The following ABCC4 variants were observed in gnomAD, a reference collection of about 807,000 sequenced individuals.
ABCC4 encodes ATP binding cassette subfamily C member 4 (PEL blood group).
Under a neutral mutation model 168.5 loss-of-function variants are expected in ABCC4, and 102 were observed. The observed-to-expected ratio is 0.61, with a 90% CI of 0.52 to 0.71. The LOEUF (loss-of-function observed/expected upper bound fraction) is 0.71. Among genes scored for constraint, ABCC4 ranks in the 30% least tolerant of loss-of-function variants. The probability of loss-of-function intolerance (pLI) is 0.00; values close to 1 mark genes in which losing one functional copy is unlikely to be tolerated. For missense variants in ABCC4, 1,402 were observed against 1,605.8 expected, an observed-to-expected ratio of 0.87 and a Z score of 2.17; for synonymous variants, 617 against 590.7, an observed-to-expected ratio of 1.04 and a Z score of -0.65.
chr13:95,061,594 TTGTGTGTGTGTGTGTGTGTG>T (rs57517042), intron 26 of ABCC4, among the ~76,000 whole-genome samples: 5 of 133,906 alleles, frequency 3.7e-5, no homozygotes, highest in African/African-American at 1.1e-4. Context: ...GAATATGTGT[TTGTGTGTGTGTGTGTGTGTG>T]TGTGTGTGTG....
intron 3 of ABCC4, among the ~76,000 whole-genome samples, chr13:95,235,179 C>T (rs564166242): frequency 9.2e-5 from 14 of 152,244 alleles, no homozygotes; most frequent in African/African-American, 1.9e-4. Context: ...ATGTGAGCCA[C>T]GGCACCTAGG....
At chr13:95,055,057 G>C (rs988121586) in intron 26 of ABCC4, among the ~76,000 whole-genome samples, 1 of 152,184 alleles carries the variant, frequency 6.6e-6, no homozygotes, top group Non-Finnish European at 1.5e-5. Context: ...GCACTGAAAA[G>C]TCACTGGTCA....
intron 18 of ABCC4, among the ~76,000 whole-genome samples, 187 bp from the exon 19 acceptor site, chr13:95,161,522 C>G (rs1431727472): frequency 6.6e-6 from 1 of 152,108 alleles, no homozygotes; most frequent in Non-Finnish European, 1.5e-5. Flanking sequence ...GTTTATTTTT[C>G]TCTCACTGAA....
intron 29 of ABCC4, among the ~76,000 whole-genome samples, chr13:95,039,388 A>G (rs114723719): frequency 0.015 from 2,252 of 152,312 alleles, 45 homozygotes; most frequent in African/African-American, 0.05. Flanking sequence ...AACAAAATAA[A>G]GTGACTCTGA....
intron 4 of ABCC4, among the ~76,000 whole-genome samples, chr13:95,230,592 T>C (rs546107778): frequency 9.9e-5 from 15 of 152,172 alleles, no homozygotes; most frequent in Non-Finnish European, 2.1e-4. Flanking sequence ...CTGGCCAACA[T>C]GGTGAAACCC....
chr13:95,055,983 G>C (rs926043271), intron 26 of ABCC4: 2 of 151,956 alleles, frequency 1.3e-5, no homozygotes, highest in African/African-American at 4.8e-5. Flanking sequence ...TCCCTCAGCA[G>C]GACTGCAAGA....
intron 4 of ABCC4, among the ~76,000 whole-genome samples, chr13:95,217,149 AAACTG>A (rs1201208947): frequency 6.6e-6 from 1 of 152,226 alleles, no homozygotes; most frequent in Non-Finnish European, 1.5e-5. Context: ...GATTACAAGA[AAACTG>A]TACTATCTAG....
At chr13:95,187,597 A>C (rs1422855958) in intron 10 of ABCC4, among the ~76,000 whole-genome samples, 3 of 152,178 alleles carry the variant, frequency 2.0e-5, no homozygotes, top group African/African-American at 7.2e-5. Flanking sequence ...GAGCGAGACC[A>C]TGTCTCAAAA....
At chr13:95,210,895 A>G (rs190089006) in intron 4 of ABCC4, 114 bp from the exon 5 acceptor site, 27 of 649,328 alleles carry the variant, frequency 4.2e-5, no homozygotes, top group Non-Finnish European at 5.4e-6. Context: ...ATCTAAGCAC[A>G]AGCATCCCCA....
rs567690184 is a variant in ABCC4, at chr13:95,294,486, C to T, written c.74+6755G>A. Among the ~76,000 whole-genome samples, 176 of 152,284 alleles carry T rather than the reference C, an allele frequency of 1.2e-3. 3 individuals are homozygous for T. The South Asian group carries it at 0.016, about 13-fold the overall frequency. On this transcript the variant is annotated intron_variant, in intron 1 of 30. Coordinates refer to ENST00000645237, the MANE Select transcript of ABCC4 (RefSeq NM_005845.5). ...GCTGGACTTTCACCATCTTGCGGCT[C>T]GGCCTCCTCTCAGTCCTCCTCCTCT...
intron 9 of ABCC4, among the ~76,000 whole-genome samples, chr13:95,193,146 AGAGTCTG>A (rs149387825): frequency 0.09 from 13,681 of 152,272 alleles, 865 homozygotes; most frequent in East Asian, 0.2. Flanking sequence ...AGAGAAAGGA[AGAGTCTG>A]GAGTCTAGAG....
intron 29 of ABCC4, among the ~76,000 whole-genome samples, chr13:95,036,198 G>A (rs2032112509): frequency 6.6e-6 from 1 of 152,182 alleles, no homozygotes; most frequent in African/African-American, 2.4e-5. Flanking sequence ...TCTCTCTAAT[G>A]CTAAAGACTA....
intron 8 of ABCC4, among the ~76,000 whole-genome samples, chr13:95,205,309 C>A (rs923230196): frequency 6.6e-5 from 10 of 152,050 alleles, no homozygotes; most frequent in African/African-American, 1.9e-4. Flanking sequence ...AGAATCTTAG[C>A]TTTTATGACA....
intron 20 of ABCC4, among the ~76,000 whole-genome samples, chr13:95,102,070 T>C (rs929888360): frequency 6.6e-6 from 1 of 152,184 alleles, no homozygotes; most frequent in Non-Finnish European, 1.5e-5. Flanking sequence ...GCGGTAGAGC[T>C]AGGAGTCAAA....
intron 4 of ABCC4, among the ~76,000 whole-genome samples, chr13:95,231,368 G>A (rs2039616466): frequency 6.6e-6 from 1 of 152,184 alleles, no homozygotes; most frequent in Admixed American, 6.5e-5. Context: ...CTGTGAAAAA[G>A]TAAATAAATG....
At chr13:95,250,189 T>C (rs1185696562) in intron 1 of ABCC4, among the ~76,000 whole-genome samples, 1 of 152,200 alleles carries the variant, frequency 6.6e-6, no homozygotes, top group Non-Finnish European at 1.5e-5. Context: ...TACCAATGTG[T>C]CCCTGAGGGG....
At chr13:95,270,381 G>C (rs1045539810) in intron 1 of ABCC4, among the ~76,000 whole-genome samples, 2 of 147,930 alleles carry the variant, frequency 1.4e-5, no homozygotes, top group Non-Finnish European at 3.0e-5. Flanking sequence ...AATAGGAAAG[G>C]AATAAGAAAA....
intron 24 of ABCC4, among the ~76,000 whole-genome samples, chr13:95,072,687 T>C (rs1328112395): frequency 2.6e-5 from 4 of 152,202 alleles, no homozygotes; most frequent in Non-Finnish European, 5.9e-5. Context: ...CTAATACCCT[T>C]TGACTAGCAC....
intron 5 of ABCC4, 56 bp from the exon 6 acceptor site, chr13:95,209,653 A>AACAC: frequency 6.6e-7 from 1 of 1,515,608 alleles, no homozygotes; most frequent in Non-Finnish European, 9.0e-7. Flanking sequence ...AACCAGTAAG[A>AACAC]ACACAGTACA....
Sources: gnomAD v4.1 joint callset for allele counts (sites outside exome capture counted in the v4.1 genomes callset) on GRCh38, gnomAD v4.1.1 for gene constraint, MANE v1.5 for transcripts, NCBI Gene and HGNC (gene_info 2026-07-23, HGNC 2026-07-21) for gene names.